The following CHRM3 variants were observed in gnomAD, a reference collection of about 807,000 sequenced individuals.
CHRM3 encodes cholinergic receptor muscarinic 3, also known as muscarinic acetylcholine receptor M3.
In CHRM3, 11 loss-of-function variants were observed where a neutral mutation model predicts 41.8. The ratio of observed to expected loss-of-function variants is 0.26; its 90% CI spans 0.17 to 0.44. CHRM3 has a LOEUF of 0.44. Ranked by LOEUF, CHRM3 falls within the 20% of genes least tolerant of loss-of-function variation. CHRM3 has a pLI of 1.00. For missense variants in CHRM3, 571 were observed against 745.4 expected (o/e 0.77, Z 2.72); for synonymous variants, 297 against 301.4 (o/e 0.99, Z 0.15).
intron 2 of CHRM3, among the ~76,000 whole-genome samples, chr1:239,500,768 G>A (rs1319812731): frequency 6.6e-6 from 1 of 151,740 alleles, no homozygotes; most frequent in African/African-American, 2.4e-5. Flanking sequence ...GAATGCAACA[G>A]TACATCACAT....
intron 1 of CHRM3, among the ~76,000 whole-genome samples, chr1:239,454,469 T>C (rs1345805177): frequency 6.6e-6 from 1 of 152,034 alleles, no homozygotes; most frequent in East Asian, 1.9e-4. Context: ...CCTGTCCTTT[T>C]TTTTTTCTTT....
At position 239,397,496 on chromosome 1, in the gene CHRM3, C is replaced by A. The variant is rs187936042; in HGVS notation, c.-521+10269C>A. On this transcript the variant is annotated intron_variant, in intron 1 of 6. Coordinates refer to ENST00000676153, the MANE Select transcript of CHRM3 (RefSeq NM_001375978.1). ...GACCATCCTGGCTAACACAGTGAAA[C>A]CCCTTCTCTCCTAAAAATACAAAAA... Among the ~76,000 whole-genome samples, 71 of 151,836 alleles carry A rather than the reference C, an allele frequency of 4.7e-4. 1 individual carries two copies. The East Asian group carries it at 0.013, about 27-fold the overall frequency.
At chr1:239,428,801 A>G (rs967804163) in intron 1 of CHRM3, among the ~76,000 whole-genome samples, 3 of 152,194 alleles carry the variant, frequency 2.0e-5, no homozygotes, top group Non-Finnish European at 4.4e-5. Flanking sequence ...CAGACTTTAA[A>G]TATTTATGTG....
intron 3 of CHRM3, chr1:239,546,489 A>G (rs1359335258): frequency 1.3e-5 from 2 of 152,218 alleles, no homozygotes; most frequent in Non-Finnish European, 2.9e-5. Flanking sequence ...AGTTGTGACC[A>G]TAATTGTCTC....
Position 239,869,809 on chromosome 1 carries a change from G to A in CHRM3, c.-19-37624G>A, listed in dbSNP as rs189968776. On this transcript the variant is annotated intron_variant, in intron 6 of 6. Transcript: ENST00000676153. The stretch of plus-strand genomic sequence containing the variant: ...AATTTCTTTTTATGCCTGGTTCTTC[G>A]TGGGTGTTTGGTAAATACTTATCGA... Among the ~76,000 whole-genome samples the A allele has an allele frequency of 1.6e-4, 25 of 152,244 alleles. No individual in the cohort carries two copies. The East Asian group carries it at 4.2e-3, about 26-fold the overall frequency.
intron 4 of CHRM3, among the ~76,000 whole-genome samples, chr1:239,665,744 C>G (rs578006925): frequency 2.9e-4 from 44 of 152,028 alleles, no homozygotes; most frequent in Admixed American, 3.9e-4. Context: ...TTGTTGAACT[C>G]CTACTTATGA....
intron 1 of CHRM3, among the ~76,000 whole-genome samples, chr1:239,462,279 A>G (rs1054914997): frequency 6.6e-6 from 1 of 152,178 alleles, no homozygotes; most frequent in African/African-American, 2.4e-5. Context: ...TTTTCATTAT[A>G]TAAATTTGGG....
At chr1:239,795,034 C>T (rs1669656800) in intron 5 of CHRM3, among the ~76,000 whole-genome samples, 1 of 152,064 alleles carries the variant, frequency 6.6e-6, no homozygotes, top group Admixed American at 6.5e-5. Flanking sequence ...GTGAACTAAC[C>T]AATCTTTATG....
chr1:239,790,132 C>T (rs181973215), intron 5 of CHRM3, among the ~76,000 whole-genome samples: 131 of 152,264 alleles, frequency 8.6e-4, no homozygotes, highest in African/African-American at 2.9e-3. Flanking sequence ...TTTGATTTTA[C>T]GGGCTCATAG....
chr1:239,907,940 C>T lies in CHRM3; in HGVS notation c.489C>T (p.Ser163=). 1 of 1,614,210 alleles carries T rather than the reference C, an allele frequency of 6.2e-7. No homozygotes were observed. The highest frequency in any genetic ancestry group is 1.1e-5 in the South Asian group (1 of 91,082). Reference sequence around the variant, plus strand: ...CTGTTATGAATCTTCTGGTCATCAGCTTTGACAGATACTTTTCCATCACGA... The same window carrying T: ...CTGTTATGAATCTTCTGGTCATCAGTTTTGACAGATACTTTTCCATCACGA... ...NASVMNLLVI[S]FDRYFSITRP... is the part of the protein sequence containing the mutation. Residue 163 remains serine (S), a synonymous_variant, in exon 7 of 7, where the codon AGC becomes AGT. Coordinates refer to ENST00000676153, the MANE Select transcript of CHRM3 (RefSeq NM_001375978.1). This position sits in a 1 kb window ranked among gnomAD's most constrained non-coding sequence, Gnocchi z 5.4.
chr1:239,549,518 A>T (rs1035116899), intron 3 of CHRM3, among the ~76,000 whole-genome samples: 8 of 149,364 alleles, frequency 5.4e-5, no homozygotes, highest in African/African-American at 2.0e-4. Flanking sequence ...AAAAATAGCC[A>T]GGTGTGGTGG....
intron 4 of CHRM3, among the ~76,000 whole-genome samples, chr1:239,657,602 C>T (rs1179667413): frequency 1.3e-5 from 2 of 152,184 alleles, no homozygotes; most frequent in Non-Finnish European, 2.9e-5. Flanking sequence ...ATTTGCAAAG[C>T]TTTCTTTTTT....
At chr1:239,570,382 C>T (rs113307966) in intron 3 of CHRM3, among the ~76,000 whole-genome samples, 4,670 of 152,198 alleles carry the variant, frequency 0.031, 262 homozygotes, top group African/African-American at 0.11. Flanking sequence ...TACCCAGTCT[C>T]GGGTATTTCT....
intron 3 of CHRM3, among the ~76,000 whole-genome samples, chr1:239,598,329 C>T (rs1391714754): frequency 1.3e-5 from 2 of 152,088 alleles, no homozygotes; most frequent in South Asian, 2.1e-4. Flanking sequence ...GGCTCCCTTG[C>T]ATCTAGAATG....
intron 5 of CHRM3, among the ~76,000 whole-genome samples, chr1:239,774,749 T>G (rs1276336855): frequency 6.6e-6 from 1 of 152,172 alleles, no homozygotes. Flanking sequence ...AATTATCTGA[T>G]TCCTGTCTTG....
At chr1:239,522,377 C>T (rs1000154579) in intron 2 of CHRM3, among the ~76,000 whole-genome samples, 3 of 152,222 alleles carry the variant, frequency 2.0e-5, no homozygotes, top group Non-Finnish European at 4.4e-5. Context: ...AAGCTGGGGC[C>T]AGAGTCCCAC....
chr1:239,539,087 CTT>C (rs1658482999), intron 2 of CHRM3, among the ~76,000 whole-genome samples: 1 of 152,164 alleles, frequency 6.6e-6, no homozygotes, highest in Admixed American at 6.5e-5. Flanking sequence ...TAAGACATGG[CTT>C]TGTCAGATGT....
At chr1:239,505,148 A>G (rs1668483484) in intron 2 of CHRM3, among the ~76,000 whole-genome samples, 1 of 152,148 alleles carries the variant, frequency 6.6e-6, no homozygotes, top group Non-Finnish European at 1.5e-5. Context: ...TTGTTTCTTC[A>G]GCTTTAAAAT....
At chr1:239,691,159 T>G (rs1484744665) in intron 5 of CHRM3, among the ~76,000 whole-genome samples, 2 of 151,986 alleles carry the variant, frequency 1.3e-5, no homozygotes, top group Non-Finnish European at 2.9e-5. Flanking sequence ...CAGACCCCCA[T>G]GGTCACAGAG....
Sources: allele counts gnomAD v4.1 joint callset (sites outside exome capture counted in the v4.1 genomes callset), GRCh38; gene constraint gnomAD v4.1.1; non-coding constraint Gnocchi (gnomAD v3.1); transcripts MANE v1.5; gene names NCBI Gene and HGNC (gene_info 2026-07-23, HGNC 2026-07-21).